Variants in NKAIN3 observed in about 807,000 individuals in gnomAD.
NKAIN3 encodes the protein sodium/potassium-transporting ATPase subunit beta-1-interacting protein 3.
NKAIN3 carries 25 observed loss-of-function variants against 30.2 expected under a neutral mutation model. That is an observed-to-expected ratio of 0.83 (90% CI 0.60 to 1.16). The LOEUF is 1.16. NKAIN3 is among the 50% of genes most tolerant of loss of function. The probability of loss-of-function intolerance (pLI) is 0.00; values close to 1 mark genes in which losing one functional copy is unlikely to be tolerated. For synonymous variants in NKAIN3, 91 were observed against 89.6 expected, an observed-to-expected ratio of 1.02 and a Z score of -0.09; for missense variants, 225 against 254.1, an observed-to-expected ratio of 0.89 and a Z score of 0.78.
intron 1 of NKAIN3, among the ~76,000 whole-genome samples, chr8:62,335,513 G>A (rs956877103): frequency 7.3e-5 from 11 of 151,418 alleles, no homozygotes; most frequent in East Asian, 3.9e-4. Context: ...TTAAGAAGCC[G>A]CTGGTAAAAT....
Position 62,589,775 on chromosome 8 carries a change from A to G in NKAIN3, c.254A>G (p.Glu85Gly). 3.7e-6 allele frequency: 6 copies of G among 1,600,660 alleles called. No individual in the cohort carries two copies. The highest frequency in any genetic ancestry group is 4.3e-6 in the Non-Finnish European group (5 of 1,170,334). ...WNVFIICFYLEVGGLSKDTDL... is the reference protein window; with the variant it reads ...WNVFIICFYLGVGGLSKDTDL... ...GTGTTCATTATCTGCTTTTATTTGG[A>G]AGTAGGTGGACTCTCAAAGGTGAGT... Residue 85 changes from glutamate to glycine, a missense_variant, in exon 3 of 7, where the codon GAA becomes GGA. Coordinates refer to ENST00000623646, the MANE Select transcript of NKAIN3 (RefSeq NM_001304533.3).
chr8:62,542,884 A>T (rs946443798), intron 1 of NKAIN3, among the ~76,000 whole-genome samples: 1 of 152,140 alleles, frequency 6.6e-6, no homozygotes, highest in Non-Finnish European at 1.5e-5. Context: ...AGTAATTTCC[A>T]TGTTGTTAAG....
chr8:62,902,555 A>G (rs1821644004), intron 4 of NKAIN3, among the ~76,000 whole-genome samples: 1 of 152,212 alleles, frequency 6.6e-6, no homozygotes, highest in East Asian at 1.9e-4. Flanking sequence ...TACTCAACCC[A>G]ACCCAAGACC....
chr8:62,288,654 G>T (rs1249848865), intron 1 of NKAIN3, among the ~76,000 whole-genome samples: 2 of 152,114 alleles, frequency 1.3e-5, no homozygotes, highest in African/African-American at 4.8e-5. Flanking sequence ...ATGGACATTT[G>T]GGATGGTTCC....
intron 1 of NKAIN3, among the ~76,000 whole-genome samples, chr8:62,451,622 A>G (rs1805646366): frequency 1.3e-5 from 2 of 152,158 alleles, no homozygotes; most frequent in African/African-American, 2.4e-5. Flanking sequence ...TAAGACCTAA[A>G]TGTTTCAAAT....
chr8:62,674,773 T>C (rs1347669694), intron 3 of NKAIN3, among the ~76,000 whole-genome samples: 1 of 152,172 alleles, frequency 6.6e-6, no homozygotes, highest in African/African-American at 2.4e-5. Context: ...AATGAGAGAC[T>C]AGCCGGAAGG....
intron 1 of NKAIN3, among the ~76,000 whole-genome samples, chr8:62,306,448 T>C (rs1254621964): frequency 6.7e-6 from 1 of 149,882 alleles, no homozygotes; most frequent in Non-Finnish European, 1.5e-5. Flanking sequence ...CTTAATGAGA[T>C]AGTTTTTCCC....
intron 1 of NKAIN3, among the ~76,000 whole-genome samples, chr8:62,411,317 G>C (rs1804229907): frequency 6.6e-6 from 1 of 152,142 alleles, no homozygotes; most frequent in South Asian, 2.1e-4. Flanking sequence ...CCTTTCAATA[G>C]ATGGAGAAAC....
At chr8:62,482,747 C>G (rs966597424) in intron 1 of NKAIN3, 3 of 152,180 alleles carry the variant, frequency 2.0e-5, no homozygotes, top group Non-Finnish European at 2.9e-5. Flanking sequence ...TTGCAGGGGC[C>G]GGCCGTGCTA....
chr8:62,956,937 A>G (rs1410958819), intron 6 of NKAIN3, among the ~76,000 whole-genome samples: 1 of 152,268 alleles, frequency 6.6e-6, no homozygotes, highest in Non-Finnish European at 1.5e-5. Context: ...CTGAGAAATA[A>G]CAATTGAGCT....
intron 5 of NKAIN3, among the ~76,000 whole-genome samples, chr8:62,949,843 C>T (rs1045666753): frequency 6.6e-6 from 1 of 152,132 alleles, no homozygotes; most frequent in South Asian, 2.1e-4. Context: ...CCTTCAGTTG[C>T]TCCATCTCTT....
At chr8:62,996,123 CT>C (rs929067797) in intron 5 of NKAIN3, among the ~76,000 whole-genome samples, 1 of 151,858 alleles carries the variant, frequency 6.6e-6, no homozygotes, top group Non-Finnish European at 1.5e-5. Context: ...TTTTTTCACA[CT>C]GCTAAAAAGA....
At chr8:62,776,500 C>G (rs959402058) in intron 4 of NKAIN3, among the ~76,000 whole-genome samples, 7 of 151,890 alleles carry the variant, frequency 4.6e-5, no homozygotes, top group South Asian at 2.1e-4. Flanking sequence ...ATCTTATAGC[C>G]CATTATTTTA....
chr8:62,565,253 C>T (rs35923285), intron 1 of NKAIN3, among the ~76,000 whole-genome samples: 1 of 151,970 alleles, frequency 6.6e-6, no homozygotes, highest in Non-Finnish European at 1.5e-5. Flanking sequence ...TTTCCAAGCT[C>T]TCCCTTTATA....
At chr8:62,287,718 C>A (rs114095537) in intron 1 of NKAIN3, among the ~76,000 whole-genome samples, 1,599 of 152,100 alleles carry the variant, frequency 0.011, 38 homozygotes, top group African/African-American at 0.036. Flanking sequence ...AAAATTTTAG[C>A]CTATTAAAAT....
At chr8:62,402,607 A>T (rs939191987) in intron 1 of NKAIN3, among the ~76,000 whole-genome samples, 12 of 152,086 alleles carry the variant, frequency 7.9e-5, no homozygotes, top group Admixed American at 2.6e-4. Context: ...CTTGGATCTC[A>T]TTCTTCTCCG....
At chr8:62,668,830 G>A (rs1813211441) in intron 3 of NKAIN3, among the ~76,000 whole-genome samples, 1 of 152,062 alleles carries the variant, frequency 6.6e-6, no homozygotes, top group African/African-American at 2.4e-5. Context: ...AAAGAGAATA[G>A]TCATTATAAC....
At chr8:62,701,633 GA>G (rs1814337595) in intron 3 of NKAIN3, among the ~76,000 whole-genome samples, 1 of 152,022 alleles carries the variant, frequency 6.6e-6, no homozygotes, top group African/African-American at 2.4e-5. Flanking sequence ...ATTATATGTG[GA>G]AAAAAATGAT....
intron 1 of NKAIN3, among the ~76,000 whole-genome samples, chr8:62,452,899 G>A (rs879818893): frequency 5.3e-5 from 8 of 152,026 alleles, no homozygotes; most frequent in African/African-American, 1.4e-4. Flanking sequence ...TTAGTATTTG[G>A]CAGTCTAAGA....
Sources: gnomAD v4.1 joint callset for allele counts (sites outside exome capture counted in the v4.1 genomes callset) on GRCh38, gnomAD v4.1.1 for gene constraint, MANE v1.5 for transcripts, NCBI Gene and HGNC (gene_info 2026-07-23, HGNC 2026-07-21) for gene names.